Variants in RGS6 observed in about 807,000 individuals in gnomAD.
RGS6 encodes regulator of G-protein signaling 6.
In RGS6, 30 loss-of-function variants were observed where a neutral mutation model predicts 78.5. That is an observed-to-expected ratio of 0.38 (90% CI 0.29 to 0.52). RGS6 has a LOEUF of 0.52. Among genes scored for constraint, RGS6 ranks in the 20% least tolerant of loss-of-function variants. The pLI is 0.85. For missense variants in RGS6, 495 were observed against 609.7 expected (o/e 0.81, Z 1.98); for synonymous variants, 206 against 206.0 (o/e 1.00, Z 0.00).
chr14:72,292,542 A>G (rs914302227), intron 2 of RGS6, among the ~76,000 whole-genome samples: 1 of 152,206 alleles, frequency 6.6e-6, no homozygotes, highest in African/African-American at 2.4e-5. Context: ...TCTTTTCTCT[A>G]GTCTGTTAAA....
intron 4 of RGS6, 77 bp downstream of exon 4, chr14:72,454,655 C>G: frequency 8.7e-7 from 1 of 1,155,800 alleles, no homozygotes; most frequent in South Asian, 1.4e-5. Context: ...AACTAGATTC[C>G]CCTGCCCTCC....
intron 2 of RGS6, among the ~76,000 whole-genome samples, chr14:72,038,115 A>G (rs2091967508): frequency 6.6e-6 from 1 of 152,008 alleles, no homozygotes; most frequent in African/African-American, 2.4e-5. Context: ...GACTCCAGGC[A>G]CATGCCACCA....
the RGS6 span, among the ~76,000 whole-genome samples, chr14:72,589,685 A>G: frequency 6.6e-6 from 1 of 152,236 alleles, no homozygotes; most frequent in Non-Finnish European, 1.5e-5. Context: ...AACAAACCAG[A>G]TTTTTGTGAA....
intron 3 of RGS6, among the ~76,000 whole-genome samples, chr14:72,359,316 G>A (rs2081012175): frequency 6.6e-6 from 1 of 151,946 alleles, no homozygotes; most frequent in Non-Finnish European, 1.5e-5. Flanking sequence ...TTTGGCTTCA[G>A]CAACTGGAAA....
intron 2 of RGS6, among the ~76,000 whole-genome samples, chr14:72,162,552 C>A (rs1039003387): frequency 1.3e-5 from 2 of 152,114 alleles, no homozygotes; most frequent in Admixed American, 6.6e-5. Context: ...TGGGGCCAGG[C>A]AACTGTAAGA....
chr14:72,566,692 T>TCTCACTC (rs1567150735), downstream of RGS6, among the ~76,000 whole-genome samples: 1 of 142,680 alleles, frequency 7.0e-6, no homozygotes, highest in East Asian at 2.1e-4. Flanking sequence ...CCTGTTTCCT[T>TCTCACTC]CTCACTCCCA....
At chr14:71,934,172 T>TA (rs2088525990) in intron 1 of RGS6, among the ~76,000 whole-genome samples, 2 of 152,188 alleles carry the variant, frequency 1.3e-5, no homozygotes, top group South Asian at 4.1e-4. Flanking sequence ...GGTGAGACTC[T>TA]TGAGAGAGAA....
intron 3 of RGS6, among the ~76,000 whole-genome samples, chr14:72,379,739 C>A (rs1360018663): frequency 6.6e-6 from 1 of 151,982 alleles, no homozygotes; most frequent in Non-Finnish European, 1.5e-5. Context: ...TTAAAATGAC[C>A]ATACTACCCA....
the RGS6 span, among the ~76,000 whole-genome samples, chr14:72,601,009 A>T: frequency 7.6e-6 from 1 of 131,594 alleles, no homozygotes; most frequent in Non-Finnish European, 1.6e-5. Flanking sequence ...GAGGGGGGAG[A>T]GGAGGAGGAG....
intron 2 of RGS6, among the ~76,000 whole-genome samples, chr14:72,330,928 G>A (rs538868052): frequency 2.0e-5 from 3 of 152,186 alleles, no homozygotes; most frequent in Non-Finnish European, 4.4e-5. Context: ...CCAAAGCCCA[G>A]TGGTCTGCAG....
rs369945760 is a variant in RGS6 at position 72,116,099 on chromosome 14, T to G, written c.84+151224T>G. On this transcript the variant is annotated intron_variant, in intron 2 of 17. Coordinates refer to ENST00000553525, the MANE Select transcript of RGS6 (RefSeq NM_001204424.2). ...AGTGTATGGCAAGCTGGACTTACAG[T>G]CCTGTGTGATGTAGAGATACCTAAA... Among the ~76,000 whole-genome samples the G allele has an allele frequency of 1.1e-4, 17 of 152,040 alleles. No homozygotes were observed. The East Asian group carries it at 3.1e-3, about 28-fold the overall frequency.
chr14:72,224,109 C>G (rs983149564), intron 2 of RGS6, among the ~76,000 whole-genome samples: 1 of 152,204 alleles, frequency 6.6e-6, no homozygotes, highest in Non-Finnish European at 1.5e-5. Flanking sequence ...AAGAAAATTT[C>G]AAATTTGCAA....
At chr14:72,271,660 A>G (rs1298450157) in intron 2 of RGS6, among the ~76,000 whole-genome samples, 1 of 152,260 alleles carries the variant, frequency 6.6e-6, no homozygotes, top group African/African-American at 2.4e-5. Flanking sequence ...AGTTTTCTAC[A>G]GTTGCTGTAA....
chr14:72,571,493 G>A (rs10149943), downstream of RGS6, among the ~76,000 whole-genome samples: 290 of 152,290 alleles, frequency 1.9e-3, 2 homozygotes, highest in African/African-American at 6.1e-3. Flanking sequence ...AGATGGAAAA[G>A]AATTGAGAGT....
At chr14:72,301,987 A>T (rs1430579332) in intron 2 of RGS6, among the ~76,000 whole-genome samples, 1 of 152,212 alleles carries the variant, frequency 6.6e-6, no homozygotes, top group Non-Finnish European at 1.5e-5. Flanking sequence ...TTATAGGTGG[A>T]AAATAATTTC....
At chr14:72,187,545 G>A (rs149640) in intron 2 of RGS6, among the ~76,000 whole-genome samples, 18,049 of 152,092 alleles carry the variant, frequency 0.12, 1,318 homozygotes, top group East Asian at 0.34. Context: ...TTGACAGTAG[G>A]CAGAGAAGCA....
intron 2 of RGS6, among the ~76,000 whole-genome samples, chr14:72,162,840 A>G (rs1278291140): frequency 2.0e-5 from 3 of 152,142 alleles, no homozygotes; most frequent in South Asian, 2.1e-4. Context: ...ATATGTGTGT[A>G]TATATATATG....
chr14:72,591,879 A>AAGATGG, the RGS6 span, among the ~76,000 whole-genome samples: 2 of 152,184 alleles, frequency 1.3e-5, no homozygotes, highest in Non-Finnish European at 2.9e-5. Context: ...TGGTGGAATC[A>AAGATGG]AGATGGCAGC....
chr14:72,204,075 C>G (rs1433736230), intron 2 of RGS6, among the ~76,000 whole-genome samples: 1 of 152,114 alleles, frequency 6.6e-6, no homozygotes, highest in Non-Finnish European at 1.5e-5. Flanking sequence ...CTGCCCACCT[C>G]GGCCTCCCAA....
Sources: gnomAD v4.1 joint callset for allele counts (sites outside exome capture counted in the v4.1 genomes callset) on GRCh38, gnomAD v4.1.1 for gene constraint, MANE v1.5 for transcripts, NCBI Gene and HGNC (gene_info 2026-07-23, HGNC 2026-07-21) for gene names.